The following NIBAN1 variants were observed in gnomAD, a reference collection of about 807,000 sequenced individuals.
NIBAN1 encodes protein Niban 1.
Under a neutral mutation model 75.1 loss-of-function variants are expected in NIBAN1, and 81 were observed. The ratio of observed to expected loss-of-function variants is 1.08; its 90% CI spans 0.90 to 1.30. The LOEUF (loss-of-function observed/expected upper bound fraction) is 1.30, where lower values mean the gene tolerates loss of function less well. Ranked by LOEUF, NIBAN1 falls within the 50% of genes most tolerant of loss-of-function variation. The pLI is 0.00. For missense variants in NIBAN1, 1,133 were observed against 1,128.1 expected (o/e 1.00, Z -0.06); for synonymous variants, 436 against 424.8 (o/e 1.03, Z -0.32).
chr1:184,851,934 C>A (rs567373281), intron 5 of NIBAN1, among the ~76,000 whole-genome samples: 1 of 151,556 alleles, frequency 6.6e-6, no homozygotes, highest in Admixed American at 6.6e-5. Context: ...CTCTTAGAAT[C>A]TCAGAGAGCT....
At position 184,823,176 on chromosome 1, in the gene NIBAN1, T is replaced by C. The variant is rs1182244133; in HGVS notation, c.976A>G (p.Lys326Glu). The change falls in exon 8 of 14, where the codon AAG becomes GAG. Residue 326 changes from lysine to glutamate, a missense_variant. Physicochemically the swap from Lys to Glu is moderately conservative, Grantham distance 56 (BLOSUM62 1). Coordinates refer to ENST00000367511, the MANE Select transcript of NIBAN1 (RefSeq NM_052966.4). Reference sequence around the variant, plus strand: ...GATTATCTCTACTGACCTTTGATCTTTCCAATTAAATAGTTCTTTGAGTTC... The same window carrying C: ...GATTATCTCTACTGACCTTTGATCTCTCCAATTAAATAGTTCTTTGAGTTC... ...IVNSKNYLIGKIKAMVAQPAE... is the reference protein window; with the variant it reads ...IVNSKNYLIGEIKAMVAQPAE... The C allele has an allele frequency of 1.2e-6, 2 of 1,614,040 alleles. No individual in the cohort carries two copies. Among genetic ancestry groups the C allele is most frequent in the African/African-American group, 2.7e-5 (2 of 74,922 alleles).
chr1:184,961,325 T>G (rs1658637714), intron 1 of NIBAN1, among the ~76,000 whole-genome samples: 1 of 152,030 alleles, frequency 6.6e-6, no homozygotes, highest in South Asian at 2.1e-4. Context: ...CGCCTCGGCC[T>G]CCCAAAGTGC....
At chr1:184,905,603 T>C (rs1020971325) in intron 1 of NIBAN1, among the ~76,000 whole-genome samples, 1 of 151,848 alleles carries the variant, frequency 6.6e-6, no homozygotes, top group Non-Finnish European at 1.5e-5. Flanking sequence ...TCCCCCTAAG[T>C]CCCCTGCTAG....
At chr1:184,861,959 C>T (rs576559304) in intron 5 of NIBAN1, among the ~76,000 whole-genome samples, 1 of 152,210 alleles carries the variant, frequency 6.6e-6, no homozygotes, top group South Asian at 2.1e-4. Flanking sequence ...AAGGCATGCC[C>T]CAATGTCCTT....
At chr1:184,926,536 C>G (rs1222760437) in intron 1 of NIBAN1, among the ~76,000 whole-genome samples, 1 of 152,178 alleles carries the variant, frequency 6.6e-6, no homozygotes, top group Non-Finnish European at 1.5e-5. Context: ...CCACACCCAG[C>G]CTCTGTTGTA....
At chr1:184,955,590 G>GC (rs1366503202) in intron 1 of NIBAN1, among the ~76,000 whole-genome samples, 1 of 152,116 alleles carries the variant, frequency 6.6e-6, no homozygotes, top group African/African-American at 2.4e-5. Context: ...GCCTGCCTCA[G>GC]CCTCCCAAAG....
intron 5 of NIBAN1, among the ~76,000 whole-genome samples, chr1:184,878,171 A>G (rs1041265759): frequency 2.6e-5 from 4 of 152,230 alleles, no homozygotes; most frequent in Non-Finnish European, 5.9e-5. Flanking sequence ...ACCCAGGACT[A>G]TATAACCCAT....
At chr1:184,868,047 C>A in intron 5 of NIBAN1, 1 of 985,436 alleles carries the variant, frequency 1.0e-6, no homozygotes, top group Non-Finnish European at 1.2e-6. Flanking sequence ...ATGCCCTGAT[C>A]TCCCACCAGA....
At chr1:184,865,438 T>C (rs1163693974) in intron 5 of NIBAN1, among the ~76,000 whole-genome samples, 1 of 151,930 alleles carries the variant, frequency 6.6e-6, no homozygotes, top group Non-Finnish European at 1.5e-5. Flanking sequence ...ATGGCAACAA[T>C]ACACGGGACT....
chr1:184,837,664 T>A (rs1655175339), intron 5 of NIBAN1, among the ~76,000 whole-genome samples: 1 of 152,208 alleles, frequency 6.6e-6, no homozygotes. Context: ...TTATTTCCAG[T>A]GACAGGAAGC....
chr1:184,927,736 C>G (rs1451993922), intron 1 of NIBAN1, among the ~76,000 whole-genome samples: 1 of 152,030 alleles, frequency 6.6e-6, no homozygotes, highest in Non-Finnish European at 1.5e-5. Context: ...TCCTTATTTT[C>G]AGAATGGTGA....
chr1:184,970,169 CAAAA>C (rs540891439), intron 1 of NIBAN1, among the ~76,000 whole-genome samples: 5 of 71,514 alleles, frequency 7.0e-5, no homozygotes, highest in African/African-American at 8.2e-5. Flanking sequence ...GACCCTGTCT[CAAAA>C]AAAAAAAAAA....
intron 1 of NIBAN1, among the ~76,000 whole-genome samples, chr1:184,942,851 G>C (rs1308134721): frequency 6.6e-6 from 1 of 152,104 alleles, no homozygotes; most frequent in Non-Finnish European, 1.5e-5. Context: ...CAGCCCTATG[G>C]TTTGTGACAT....
intron 5 of NIBAN1, among the ~76,000 whole-genome samples, chr1:184,873,877 GT>G (rs1364063802): frequency 6.6e-6 from 1 of 152,034 alleles, no homozygotes; most frequent in Admixed American, 6.6e-5. Context: ...TATAGTAAAA[GT>G]TTTTCCTCCT....
chr1:184,971,551 T>A (rs1658936710), intron 1 of NIBAN1, among the ~76,000 whole-genome samples: 1 of 152,116 alleles, frequency 6.6e-6, no homozygotes, highest in Non-Finnish European at 1.5e-5. Flanking sequence ...GTGGCTGTAA[T>A]CCTAGCTATT....
Position 184,886,265 on chromosome 1 carries a change from G to A in NIBAN1, c.434-1465C>T, listed in dbSNP as rs567262062. On this transcript the variant is annotated intron_variant, in intron 4 of 13. Transcript: ENST00000367511. Reference sequence around the variant, plus strand: ...GCAATGACCTGTTTTCATGCCCAGCGCCCACACTCAGGGTAGGGAGGCGGG... The same window carrying A: ...GCAATGACCTGTTTTCATGCCCAGCACCCACACTCAGGGTAGGGAGGCGGG... Among the ~76,000 whole-genome samples, 7 of 152,176 alleles carry A rather than the reference G, an allele frequency of 4.6e-5. No individual in the cohort carries two copies. The South Asian group carries it at 8.3e-4, about 18-fold the overall frequency.
At chr1:184,825,052 G>A (rs1194518902) in intron 6 of NIBAN1, among the ~76,000 whole-genome samples, 1 of 152,158 alleles carries the variant, frequency 6.6e-6, no homozygotes, top group Non-Finnish European at 1.5e-5. Context: ...AAATTAATTA[G>A]CAGTCAGGTG....
rs1451547670 is a variant in NIBAN1, at chr1:184,793,669, C to T, written c.*1308G>A. On this transcript the variant is annotated 3_prime_UTR_variant, in exon 14 of 14. Coordinates refer to ENST00000367511, the MANE Select transcript of NIBAN1 (RefSeq NM_052966.4). Reference sequence around the variant, plus strand: ...ATTTTTCTGAAGGAGAAAAGAACAACTCCTTTTAATCTTTTGGAAGCAAGT... The same window carrying T: ...ATTTTTCTGAAGGAGAAAAGAACAATTCCTTTTAATCTTTTGGAAGCAAGT... 6.6e-6 allele frequency: 1 copy of T among 152,224 alleles called. No homozygotes were observed. The highest frequency in any genetic ancestry group is 1.5e-5 in the Non-Finnish European group (1 of 68,042). The allele number at this position is 152,224 out of a possible 1,614,324, so 9.4% of individuals were successfully genotyped here.
At chr1:184,903,792 AGT>A (rs1657016431) in intron 1 of NIBAN1, among the ~76,000 whole-genome samples, 1 of 131,530 alleles carries the variant, frequency 7.6e-6, no homozygotes, top group Non-Finnish European at 1.5e-5. Context: ...CTTGGAGTGC[AGT>A]GCTGCAATCA....
Sources: allele counts gnomAD v4.1 joint callset (sites outside exome capture counted in the v4.1 genomes callset), GRCh38; gene constraint gnomAD v4.1.1; transcripts MANE v1.5; gene names NCBI Gene and HGNC (gene_info 2026-07-23, HGNC 2026-07-21).